Variants in TBL1XR1 observed in about 807,000 individuals in gnomAD.
The protein encoded by TBL1XR1 is F-box-like/WD repeat-containing protein TBL1XR1.
A neutral mutation model predicts 66.9 loss-of-function variants in TBL1XR1; 5 were observed. The ratio of observed to expected loss-of-function variants is 0.07; its 90% CI spans 0.04 to 0.16. The LOEUF (loss-of-function observed/expected upper bound fraction) is 0.16, where lower values mean the gene tolerates loss of function less well. TBL1XR1 is among the 10% of genes least tolerant of loss of function. The pLI, the probability that TBL1XR1 is intolerant of heterozygous loss-of-function variation, is 1.00. For missense variants in TBL1XR1, 238 were observed against 623.2 expected (o/e 0.38, Z 6.58); for synonymous variants, 210 against 206.0 (o/e 1.02, Z -0.17).
chr3:177,097,167 C>T (rs1293250263), intron 2 of TBL1XR1, among the ~76,000 whole-genome samples: 1 of 152,186 alleles, frequency 6.6e-6, no homozygotes, highest in Non-Finnish European at 1.5e-5. Flanking sequence ...TTCTTTCAGA[C>T]TGATACATCA....
chr3:177,061,173 GATGTCCATCAAAT>G (rs1718469372), intron 3 of TBL1XR1, among the ~76,000 whole-genome samples: 1 of 152,132 alleles, frequency 6.6e-6, no homozygotes, highest in African/African-American at 2.4e-5. Context: ...TTAAAACAGA[GATGTCCATCAAAT>G]ATTTGAGGCT....
chr3:177,181,216 G>T (rs1328182432), intron 1 of TBL1XR1, among the ~76,000 whole-genome samples: 1 of 151,956 alleles, frequency 6.6e-6, no homozygotes, highest in African/African-American at 2.4e-5. Context: ...CTGAACTGGC[G>T]CAGGTGTAAT....
intron 1 of TBL1XR1, chr3:177,196,321 T>A (rs1358903158): frequency 6.6e-6 from 1 of 152,112 alleles, no homozygotes; most frequent in Non-Finnish European, 1.5e-5. Context: ...AACGTGACTC[T>A]GTGCCACCCA....
chr3:177,029,350 C>T (rs1036299845), intron 14 of TBL1XR1, among the ~76,000 whole-genome samples: 1 of 152,136 alleles, frequency 6.6e-6, no homozygotes, highest in East Asian at 1.9e-4. Flanking sequence ...GGCGTGATGC[C>T]TCATGCCTGT....
upstream of TBL1XR1, among the ~76,000 whole-genome samples, chr3:177,199,416 C>CACTAAACAT (rs1286367093): frequency 5.3e-5 from 8 of 149,698 alleles, no homozygotes; most frequent in African/African-American, 1.7e-4. Context: ...ACGTAGATAT[C>CACTAAACAT]ACTAAACATA....
intron 2 of TBL1XR1, chr3:177,079,616 T>C (rs564948853): frequency 2.4e-4 from 37 of 151,952 alleles, no homozygotes; most frequent in African/African-American, 8.7e-4. Flanking sequence ...AGAAATCCTC[T>C]GAAAGTTTAA....
chr3:177,090,130 G>A (rs1722642563), intron 2 of TBL1XR1, among the ~76,000 whole-genome samples: 1 of 152,160 alleles, frequency 6.6e-6, no homozygotes, highest in African/African-American at 2.4e-5. Flanking sequence ...GTAGAATGCA[G>A]CTGTAAAACA....
At chr3:177,072,496 G>A (rs1720156319) in intron 2 of TBL1XR1, among the ~76,000 whole-genome samples, 1 of 150,756 alleles carries the variant, frequency 6.6e-6, no homozygotes. Context: ...ATTCCCTGAA[G>A]AATATCCTTG....
At chr3:177,189,389 C>T (rs1210418645) in intron 1 of TBL1XR1, among the ~76,000 whole-genome samples, 5 of 151,912 alleles carry the variant, frequency 3.3e-5, no homozygotes, top group East Asian at 3.9e-4. Flanking sequence ...TGGTGGTACA[C>T]GCCTGTTAGT....
intron 1 of TBL1XR1, among the ~76,000 whole-genome samples, chr3:177,194,696 C>A (rs1559976537): frequency 6.6e-6 from 1 of 152,056 alleles, no homozygotes. Context: ...ATTTATATTA[C>A]CTTCTGTTAG....
intron 1 of TBL1XR1, among the ~76,000 whole-genome samples, chr3:177,112,350 C>T (rs1725756729): frequency 1.3e-5 from 2 of 151,610 alleles, no homozygotes; most frequent in South Asian, 2.1e-4. Flanking sequence ...CCAGGTGATC[C>T]ACCCACCTCA....
At chr3:177,031,665 C>A (rs1445405541) in intron 14 of TBL1XR1, among the ~76,000 whole-genome samples, 1 of 148,334 alleles carries the variant, frequency 6.7e-6, no homozygotes, top group Non-Finnish European at 1.5e-5. Flanking sequence ...GTGGCTCATG[C>A]CTGTAATCCC....
At chr3:177,071,031 G>GTTTTGTTTTTTT (rs768177980) in intron 2 of TBL1XR1, among the ~76,000 whole-genome samples, 23 of 104,682 alleles carry the variant, frequency 2.2e-4, no homozygotes, top group African/African-American at 7.4e-4. Flanking sequence ...CTGAGAATCT[G>GTTTTGTTTTTTT]TTTTTTTTTT....
At chr3:177,152,444 G>C (rs983825518) in intron 1 of TBL1XR1, among the ~76,000 whole-genome samples, 1 of 151,910 alleles carries the variant, frequency 6.6e-6, no homozygotes. Context: ...CCACCACCAC[G>C]CCCGGCTAAT....
intron 2 of TBL1XR1, among the ~76,000 whole-genome samples, chr3:177,069,742 AAAAG>A (rs1354037877): frequency 6.3e-5 from 9 of 143,928 alleles, no homozygotes; most frequent in South Asian, 2.2e-4. Flanking sequence ...CTGACGAAAG[AAAAG>A]AAAGAAAGGA....
intron 1 of TBL1XR1, among the ~76,000 whole-genome samples, chr3:177,186,750 T>C (rs1735459927): frequency 1.3e-5 from 2 of 152,120 alleles, no homozygotes; most frequent in African/African-American, 4.8e-5. Context: ...ACTTAAATAC[T>C]CTAAAAAAAA....
chr3:177,139,176 AC>A (rs1193509829), intron 1 of TBL1XR1, among the ~76,000 whole-genome samples: 1 of 152,198 alleles, frequency 6.6e-6, no homozygotes, highest in Non-Finnish European at 1.5e-5. Flanking sequence ...AGATTAAAAA[AC>A]AAAATACGCC....
At chr3:177,047,597 T>G in intron 7 of TBL1XR1, 48 bp from the exon 8 acceptor site, 1 of 1,538,990 alleles carries the variant, frequency 6.5e-7, no homozygotes, top group Non-Finnish European at 8.9e-7. Flanking sequence ...GATACGGTAT[T>G]TAATTGTTGT....
intron 2 of TBL1XR1, among the ~76,000 whole-genome samples, chr3:177,075,864 G>A (rs1447493118): frequency 6.6e-6 from 1 of 152,132 alleles, no homozygotes; most frequent in East Asian, 1.9e-4. Flanking sequence ...AAATCAAGGT[G>A]TTCACAGGGC....
Sources: allele counts gnomAD v4.1 joint callset (sites outside exome capture counted in the v4.1 genomes callset), GRCh38; gene constraint gnomAD v4.1.1; transcripts MANE v1.5; gene names NCBI Gene and HGNC (gene_info 2026-07-23, HGNC 2026-07-21).